The following VWA3B variants were observed in gnomAD, a reference collection of about 807,000 sequenced individuals.
VWA3B encodes von Willebrand factor A domain containing 3B, also known as von Willebrand factor A domain-containing protein 3B.
In VWA3B, 138 loss-of-function variants were observed where a neutral mutation model predicts 158.3. The ratio of observed to expected loss-of-function variants is 0.87; its 90% CI spans 0.76 to 1.00. VWA3B has a LOEUF of 1.00. VWA3B is among the 50% of genes least tolerant of loss of function. VWA3B has a pLI of 0.00. For synonymous variants in VWA3B, 596 were observed against 587.3 expected (o/e 1.01, Z -0.21); for missense variants, 1,555 against 1,565.1 (o/e 0.99, Z 0.11).
At chr2:98,247,440 T>G (rs972698896) in intron 19 of VWA3B, among the ~76,000 whole-genome samples, 12 of 152,212 alleles carry the variant, frequency 7.9e-5, no homozygotes, top group Admixed American at 7.9e-4. Context: ...AGTTTCACTT[T>G]TGCCTTTAGG....
Position 98,312,287 on chromosome 2 carries a change from C to A in VWA3B, c.3823C>A (p.Pro1275Thr), listed in dbSNP as rs1400032508. 2.5e-6 allele frequency: 4 copies of A among 1,614,124 alleles called. No homozygotes were observed. Among genetic ancestry groups the A allele is most frequent in the Non-Finnish European group, 3.4e-6 (4 of 1,180,004 alleles). ...CACACCTCCACCTCGAGCAGCCCTG[C>A]CCTGTACTCTCCAAGCCACCCACAG... ...IATPPPRAAL[P>T]CTLQATHSSK... The change falls in exon 28 of 28, where the codon CCC (proline) becomes ACC (threonine). Residue 1275 changes from proline to threonine, a missense_variant. Coordinates refer to ENST00000477737, the MANE Select transcript of VWA3B (RefSeq NM_144992.5).
chr2:98,096,038 A>G (rs1355109846), intron 2 of VWA3B, among the ~76,000 whole-genome samples: 3 of 152,080 alleles, frequency 2.0e-5, no homozygotes, highest in African/African-American at 7.2e-5. Flanking sequence ...TCTGCTGAGC[A>G]TTTTGCATCT....
At chr2:98,228,686 G>A (rs985541048) in intron 15 of VWA3B, among the ~76,000 whole-genome samples, 9 of 152,084 alleles carry the variant, frequency 5.9e-5, no homozygotes, top group South Asian at 4.1e-4. Context: ...TGACTGTGGC[G>A]AGGCCCGAAC....
Position 98,217,939 on chromosome 2 carries a change from T to G in VWA3B, c.1930T>G (p.Phe644Val). The change falls in exon 14 of 28, where the codon TTT becomes GTT. Residue 644 changes from phenylalanine (F) to valine (V), a missense_variant. Transcript: ENST00000477737. ...FNYNDEIANR[F>V]LKEVAALTGG... ...TTACAATGATGAGATTGCAAACAGG[T>G]TTTTGAAAGAGGTTGCTGCTTTGAC... 6.2e-7 allele frequency: 1 copy of G among 1,613,518 alleles called. No individual in the cohort carries two copies. The highest frequency in any genetic ancestry group is 8.5e-7 in the Non-Finnish European group (1 of 1,179,798).
Position 98,241,880 on chromosome 2 carries a change from T to C in VWA3B, c.2673+5150T>C, listed in dbSNP as rs1686094665. On this transcript the variant is annotated intron_variant, in intron 19 of 27. Transcript: ENST00000477737. ...GCATATACTGCAGTGATCTCCAGTC[T>C]CACATCCAAAGCACTTTTGTATCTT... Among the ~76,000 whole-genome samples, 3 of 152,244 alleles carry C rather than the reference T, an allele frequency of 2.0e-5. No individual in the cohort carries two copies. In the South Asian group the frequency reaches 6.2e-4, roughly 32 times the overall value.
the VWA3B span, among the ~76,000 whole-genome samples, chr2:98,318,814 CATCT>C: frequency 1.3e-5 from 2 of 152,188 alleles, no homozygotes; most frequent in African/African-American, 2.4e-5. Flanking sequence ...ATTTATCTAT[CATCT>C]ATCTGTCAGT....
At chr2:98,088,055 G>A (rs535736860) in intron 1 of VWA3B, among the ~76,000 whole-genome samples, 1 of 152,290 alleles carries the variant, frequency 6.6e-6, no homozygotes, top group African/African-American at 2.4e-5. Flanking sequence ...TCACAGCCAA[G>A]CCTTGTCCCT....
intron 19 of VWA3B, among the ~76,000 whole-genome samples, chr2:98,244,216 A>G (rs1166502572): frequency 6.6e-6 from 1 of 152,194 alleles, no homozygotes; most frequent in African/African-American, 2.4e-5. Flanking sequence ...ACTAACATTC[A>G]GTAATATAAA....
At chr2:98,294,233 A>C (rs1689666264) in intron 23 of VWA3B, among the ~76,000 whole-genome samples, 2 of 148,688 alleles carry the variant, frequency 1.3e-5, no homozygotes, top group African/African-American at 4.9e-5. Context: ...AAAAAAAAGA[A>C]GGCCAAATAA....
intron 5 of VWA3B, among the ~76,000 whole-genome samples, chr2:98,123,735 A>C (rs958537262): frequency 6.6e-6 from 1 of 152,184 alleles, no homozygotes; most frequent in Non-Finnish European, 1.5e-5. Flanking sequence ...GTGGACCGGC[A>C]CAGAGTTTCT....
At chr2:98,315,367 G>A (rs188100392), downstream of VWA3B, among the ~76,000 whole-genome samples, 5 of 152,280 alleles carry the variant, frequency 3.3e-5, no homozygotes, top group Admixed American at 1.3e-4. Context: ...AGATTTTATG[G>A]CCACCCTATA....
At chr2:98,241,138 G>C (rs4455212) in intron 19 of VWA3B, among the ~76,000 whole-genome samples, 94,144 of 151,806 alleles carry the variant, frequency 0.62, 29,484 homozygotes, top group South Asian at 0.84. Context: ...GCCTTAGCTA[G>C]TGGCATCGGA....
In VWA3B at chr2:98,297,945, G is replaced by A; in HGVS notation, c.3196G>A (p.Val1066Met). 1 of 1,584,248 alleles carries A rather than the reference G, an allele frequency of 6.3e-7. No individual in the cohort carries two copies. The highest frequency in any genetic ancestry group is 8.6e-7 in the Non-Finnish European group (1 of 1,164,996). ...GTGTGTGAGCCGCACCCAAGCACTGGTGGGCTTCAGTTACGGAGACACCAA... is the reference window on the plus strand; with the variant it reads ...GTGTGTGAGCCGCACCCAAGCACTGATGGGCTTCAGTTACGGAGACACCAA... ...KKCVSRTQALVGFSYGDTKVV... is the reference protein window; with the variant it reads ...KKCVSRTQALMGFSYGDTKVV... Residue 1066 changes from valine (V) to methionine (M), a missense_variant, in exon 24 of 28, where the codon GTG becomes ATG. Coordinates refer to ENST00000477737, the MANE Select transcript of VWA3B (RefSeq NM_144992.5).
chr2:98,291,660 T>G (rs928379432), intron 23 of VWA3B: 7 of 152,164 alleles, frequency 4.6e-5, no homozygotes, highest in Non-Finnish European at 8.8e-5. Context: ...TACCAAGGGG[T>G]TAGGATGTCT....
rs537162277 is a variant in VWA3B at position 98,250,014 on chromosome 2, G to T, written c.2674-304G>T. On this transcript the variant is annotated intron_variant, in intron 19 of 27. Coordinates refer to ENST00000477737, the MANE Select transcript of VWA3B (RefSeq NM_144992.5). Reference sequence around the variant, plus strand: ...TGACAGAGACTTCTGAAGATAATTCGCAATTCTAATTAAGGTTTTCTGAAA... The same window carrying T: ...TGACAGAGACTTCTGAAGATAATTCTCAATTCTAATTAAGGTTTTCTGAAA... Among the ~76,000 whole-genome samples, 3 of 152,204 alleles carry T rather than the reference G, an allele frequency of 2.0e-5. No individual in the cohort carries two copies. The South Asian group carries it at 6.2e-4, about 32-fold the overall frequency.
chr2:98,228,786 C>T (rs925699431), intron 15 of VWA3B: 2 of 152,730 alleles, frequency 1.3e-5, no homozygotes, highest in African/African-American at 2.4e-5. Flanking sequence ...GATGACTTCT[C>T]CTGTCTGCCC....
intron 7 of VWA3B, among the ~76,000 whole-genome samples, chr2:98,148,183 C>A (rs923445594): frequency 6.6e-6 from 1 of 152,120 alleles, no homozygotes; most frequent in Non-Finnish European, 1.5e-5. Flanking sequence ...GGGGTAATCT[C>A]TCATGTTGAA....
Position 98,297,871 on chromosome 2 carries a change from G to C in VWA3B, c.3158-36G>C, listed in dbSNP as rs183349520. On this transcript the variant is annotated intron_variant, in intron 23 of 27. Coordinates refer to ENST00000477737, the MANE Select transcript of VWA3B (RefSeq NM_144992.5). ...AAGCCTAAGGGAAGGGATGTTATTT[G>C]TCTTTATATTTTATGTTTTCTTTGA... 12 of 1,467,338 alleles carry C rather than the reference G, an allele frequency of 8.2e-6. No homozygotes were observed. The East Asian group carries it at 2.8e-4, about 35-fold the overall frequency. 90.9% of individuals were successfully genotyped at this position (1,467,338 alleles called of 1,614,324 possible). A position where few individuals can be genotyped will look rare whatever the true frequency, so the allele number is the denominator to read the frequency against.
At chr2:98,183,930 G>A (rs1405856144) in intron 9 of VWA3B, among the ~76,000 whole-genome samples, 1 of 152,274 alleles carries the variant, frequency 6.6e-6, no homozygotes, top group African/African-American at 2.4e-5. Flanking sequence ...CTTTTTTTCT[G>A]CACTACAAAC....
Sources: gnomAD v4.1 joint callset for allele counts (sites outside exome capture counted in the v4.1 genomes callset) on GRCh38, gnomAD v4.1.1 for gene constraint, MANE v1.5 for transcripts, NCBI Gene and HGNC (gene_info 2026-07-23, HGNC 2026-07-21) for gene names.